FBXO16: variants seen among roughly 807,000 people sequenced by gnomAD.
The protein encoded by FBXO16 is F-box protein 16, also known as F-box only protein 16.
In FBXO16, 31 loss-of-function variants were observed where a neutral mutation model predicts 41.0. The observed-to-expected ratio is 0.76, with a 90% CI of 0.57 to 1.02. FBXO16 has a LOEUF of 1.02. Ranked by LOEUF, FBXO16 falls within the 50% of genes least tolerant of loss-of-function variation. The probability of loss-of-function intolerance (pLI) is 0.00; values close to 1 mark genes in which losing one functional copy is unlikely to be tolerated. For synonymous variants in FBXO16, 133 were observed against 117.8 expected (o/e 1.13, Z -0.84); for missense variants, 361 against 346.2 (o/e 1.04, Z -0.34).
At chr8:28,465,330 A>G (rs1247577306) in intron 3 of FBXO16, 1 of 431,084 alleles carries the variant, frequency 2.3e-6, no homozygotes, top group Non-Finnish European at 4.7e-6. Context: ...GTGTTGAAGA[A>G]AGGAGAAATA....
chr8:28,457,450 G>A (rs543148273), intron 4 of FBXO16, among the ~76,000 whole-genome samples: 6 of 152,250 alleles, frequency 3.9e-5, no homozygotes, highest in African/African-American at 7.2e-5. Flanking sequence ...AGAGAAAGAC[G>A]TTTAATGGAC....
At chr8:28,464,440 C>A (rs934592290) in intron 3 of FBXO16, among the ~76,000 whole-genome samples, 3 of 152,100 alleles carry the variant, frequency 2.0e-5, no homozygotes, top group Non-Finnish European at 4.4e-5. Context: ...GAACAACACC[C>A]AAGATCAGGG....
rs57422429 is a variant in FBXO16, at chr8:28,460,247, T to TA, written c.343-3318_343-3317insT. Among the ~76,000 whole-genome samples the TA allele has an allele frequency of 7.1e-3, 380 of 53,194 alleles. 1 individual carries two copies. The highest frequency in any genetic ancestry group is 0.012 in the South Asian group (14 of 1,212). 34.9% of individuals were successfully genotyped at this position (53,194 alleles called of 152,430 possible). A position where few individuals can be genotyped will look rare whatever the true frequency, so the allele number is the denominator to read the frequency against. ...TGTGTATATATATATATATATATAT[T>TA]TTTTTTTTTTTTTTTTTTTGAGACA... On this transcript the variant is annotated intron_variant, in intron 4 of 8. Coordinates refer to ENST00000380254, the MANE Select transcript of FBXO16 (RefSeq NM_172366.4).
chr8:28,487,879 A>G (rs1005472525), intron 1 of FBXO16, among the ~76,000 whole-genome samples: 7 of 148,352 alleles, frequency 4.7e-5, no homozygotes, highest in African/African-American at 1.5e-4. Context: ...GTGGAGCAAA[A>G]TCTTGCTCTG....
At chr8:28,466,994 G>C (rs76726764) in intron 3 of FBXO16, among the ~76,000 whole-genome samples, 1 of 152,022 alleles carries the variant, frequency 6.6e-6, no homozygotes, top group South Asian at 2.1e-4. Flanking sequence ...CCAGGTTGGC[G>C]TACAGTGGTG....
chr8:28,458,679 A>G (rs955685001), intron 4 of FBXO16, among the ~76,000 whole-genome samples: 5 of 150,936 alleles, frequency 3.3e-5, no homozygotes, highest in African/African-American at 1.2e-4. Flanking sequence ...CAGCCTCCCG[A>G]GTAGCTGGGA....
At chr8:28,452,515 A>G (rs1247468027) in intron 5 of FBXO16, 39 bp from the exon 6 acceptor site, 2 of 1,586,806 alleles carry the variant, frequency 1.3e-6, no homozygotes, top group Admixed American at 1.7e-5. Context: ...AAAACACTAT[A>G]ATACGCTGGG....
intron 2 of FBXO16, among the ~76,000 whole-genome samples, chr8:28,481,145 C>T (rs1434841124): frequency 6.6e-6 from 1 of 152,160 alleles, no homozygotes; most frequent in Non-Finnish European, 1.5e-5. Context: ...ATGAAAGATC[C>T]TCAACGCTAT....
intron 2 of FBXO16, among the ~76,000 whole-genome samples, chr8:28,478,362 G>A (rs1400270375): frequency 6.6e-6 from 1 of 152,108 alleles, no homozygotes; most frequent in Non-Finnish European, 1.5e-5. Context: ...TGAGAGAGCC[G>A]CCTTGCCCAA....
At chr8:28,440,551 T>C (rs367770504) in intron 7 of FBXO16, among the ~76,000 whole-genome samples, 1 of 152,224 alleles carries the variant, frequency 6.6e-6, no homozygotes, top group African/African-American at 2.4e-5. Flanking sequence ...AGTATATTCC[T>C]GTGTGTGGTT....
At chr8:28,457,311 GTATAAGGATTA>G (rs1803054604) in intron 4 of FBXO16, among the ~76,000 whole-genome samples, 1 of 152,180 alleles carries the variant, frequency 6.6e-6, no homozygotes, top group Non-Finnish European at 1.5e-5. Context: ...TATAAAAGTT[GTATAAGGATTA>G]TATAAACTCA....
At chr8:28,466,131 C>T (rs962481998) in intron 3 of FBXO16, among the ~76,000 whole-genome samples, 3 of 151,846 alleles carry the variant, frequency 2.0e-5, no homozygotes, top group Non-Finnish European at 2.9e-5. Context: ...TCCAGCTATT[C>T]GGGAGTGTGA....
rs368871325 is a variant in FBXO16, at chr8:28,452,274, T to A, written c.710A>T (p.Asn237Ile). 19 of 1,614,124 alleles carry A rather than the reference T, an allele frequency of 1.2e-5. No homozygotes were observed. The highest frequency in any genetic ancestry group is 1.6e-5 in the Non-Finnish European group (19 of 1,180,028). The part of the protein sequence containing the change: ...TDIIRFNYLD[N>I]RDPMETVQQG... ...CTGGACAGTCTCCATGGGGTCACGG[T>A]TGTCTAGGTAATTAAAACGAATGAT... is the stretch of plus-strand genomic sequence containing the variant. Residue 237 changes from asparagine (N) to isoleucine (I), a missense_variant, in exon 6 of 9, where the codon AAC (asparagine) becomes ATC (isoleucine). Physicochemically the swap from Asn to Ile is moderately radical, Grantham distance 149. Transcript: ENST00000380254.
intron 3 of FBXO16, among the ~76,000 whole-genome samples, chr8:28,470,173 G>A (rs1193821009): frequency 6.6e-6 from 1 of 151,704 alleles, no homozygotes; most frequent in Non-Finnish European, 1.5e-5. Flanking sequence ...CAGCCTGGGC[G>A]ACAGAGCAAG....
chr8:28,433,052 C>T (rs1463281631), intron 7 of FBXO16, among the ~76,000 whole-genome samples: 3 of 143,440 alleles, frequency 2.1e-5, no homozygotes, highest in Admixed American at 2.0e-4. Flanking sequence ...CAGAGTGAGA[C>T]TTCGTCCAAA....
intron 1 of FBXO16, among the ~76,000 whole-genome samples, chr8:28,486,513 C>T (rs949012739): frequency 3.9e-5 from 6 of 152,102 alleles, no homozygotes; most frequent in East Asian, 3.9e-4. Context: ...CGTAAGCCAC[C>T]GCCGCGCCTG....
chr8:28,442,597 T>C (rs900259716), intron 7 of FBXO16, among the ~76,000 whole-genome samples: 16 of 152,098 alleles, frequency 1.1e-4, no homozygotes, highest in Admixed American at 2.0e-4. Context: ...TTGGCCAGGC[T>C]AGTCTCAAAC....
intron 5 of FBXO16, 114 bp downstream of exon 5, chr8:28,456,652 A>T: frequency 8.5e-7 from 1 of 1,170,102 alleles, no homozygotes; most frequent in Non-Finnish European, 1.2e-6. Flanking sequence ...ATCATAGTAT[A>T]TGTCCTTTGA....
At chr8:28,431,788 C>CT (rs1271937927) in intron 7 of FBXO16, among the ~76,000 whole-genome samples, 2 of 152,172 alleles carry the variant, frequency 1.3e-5, no homozygotes, top group African/African-American at 4.8e-5. Context: ...ATTATTTTTG[C>CT]TTTTCTCACT....
Sources: gnomAD v4.1 joint callset for allele counts (sites outside exome capture counted in the v4.1 genomes callset) on GRCh38, gnomAD v4.1.1 for gene constraint, MANE v1.5 for transcripts, NCBI Gene and HGNC (gene_info 2026-07-23, HGNC 2026-07-21) for gene names.